KLF4: variants seen among roughly 807,000 people sequenced by gnomAD.
The protein encoded by KLF4 is Krueppel-like factor 4.
In KLF4, 14 loss-of-function variants were observed where a neutral mutation model predicts 38.0. The observed-to-expected ratio is 0.37, with a 90% CI of 0.24 to 0.58. The LOEUF is 0.58. KLF4 is among the 20% of genes least tolerant of loss of function. The pLI, the probability that KLF4 is intolerant of heterozygous loss-of-function variation, is 0.76. For missense variants in KLF4, 737 were observed against 670.1 expected, an observed-to-expected ratio of 1.10 and a Z score of -1.10; for synonymous variants, 398 against 302.5, an observed-to-expected ratio of 1.32 and a Z score of -3.28.
At chr9:107,486,007 G>A (rs1829053932) in intron 4 of KLF4, 81 bp from the exon 5 acceptor site, 2 of 1,268,774 alleles carry the variant, frequency 1.6e-6, no homozygotes, top group African/African-American at 1.5e-5. Flanking sequence ...AGGCCAGATA[G>A]TAAACCAACT....
In KLF4 at chr9:107,489,022, C is replaced by G; in HGVS notation, c.34G>C (p.Val12Leu). Reference protein sequence around the residue: ...RQPPGESDMAVSDALLPSFST... With the variant: ...RQPPGESDMALSDALLPSFST... ...AAAGATGGGAGCAGCGCGTCGCTGA[C>G]AGCCATGTCAGACTCGCCAGGTGGC... Residue 12 changes from valine (V) to leucine (L), a missense_variant, in exon 2 of 5, where the codon GTC becomes CTC. By Grantham distance (32) the Val-to-Leu change is conservative (BLOSUM62 1). Coordinates refer to ENST00000374672, the MANE Select transcript of KLF4 (RefSeq NM_004235.6). 6.4e-7 allele frequency: 1 copy of G among 1,560,862 alleles called. No homozygotes were observed. Among genetic ancestry groups the G allele is most frequent in the Non-Finnish European group, 8.7e-7 (1 of 1,151,916 alleles).
chr9:107,489,245 G>A lies in KLF4; in HGVS notation c.-73C>T, dbSNP rs1279354374. The A allele has an allele frequency of 2.1e-6, 3 of 1,428,396 alleles. No homozygotes were observed. Among genetic ancestry groups the A allele is most frequent in the Non-Finnish European group, 9.2e-7 (1 of 1,088,186 alleles). The allele number at this position is 1,428,396 out of a possible 1,614,324, so 88.5% of individuals were successfully genotyped here. A position where few individuals can be genotyped will look rare whatever the true frequency, so the allele number is the denominator to read the frequency against. On this transcript the variant is annotated 5_prime_UTR_variant, in exon 1 of 5. Transcript: ENST00000374672. ...ACCTGAACCCCAAAGTCAACGAAGA[G>A]AAGAAACGAAGCCAAAACCCAAAAC...
intron 4 of KLF4, among the ~76,000 whole-genome samples, chr9:107,486,208 C>T (rs1470686551): frequency 6.6e-6 from 1 of 152,154 alleles, no homozygotes; most frequent in African/African-American, 2.4e-5. Context: ...ACCACCTAAA[C>T]CTATACTAAT....
In KLF4 at chr9:107,489,208, A is replaced by G; in HGVS notation, c.-36T>C. 36 of 1,468,566 alleles carry G rather than the reference A, an allele frequency of 2.5e-5. No homozygotes were observed. Among genetic ancestry groups the G allele is most frequent in the Non-Finnish European group, 3.2e-5 (35 of 1,107,350 alleles). 91.0% of individuals were successfully genotyped at this position (1,468,566 alleles called of 1,614,324 possible). On this transcript the variant is annotated 5_prime_UTR_variant, in exon 1 of 5. Coordinates refer to ENST00000374672, the MANE Select transcript of KLF4 (RefSeq NM_004235.6). ...GCCCAGAAGGTCCTCGGCAGCCCGA[A>G]GCAGCTGGGGCACCTGAACCCCAAA...
chr9:107,487,618 T>C lies in KLF4; in HGVS notation c.776A>G (p.His259Arg). Reference sequence around the variant, plus strand: ...GTTGTAGGGCGCCACCACCACCGGGTGGCTGCCGTCAGGGCTGCCTTTGCT... The same window carrying C: ...GTTGTAGGGCGCCACCACCACCGGGCGGCTGCCGTCAGGGCTGCCTTTGCT... ...SVSKGSPDGS[H>R]PVVVAPYNGG... is the part of the protein sequence containing the mutation. Residue 259 changes from histidine (H) to arginine (R), a missense_variant, in exon 3 of 5, where the codon CAC (histidine) becomes CGC (arginine). His to Arg is a conservative substitution (Grantham distance 29, BLOSUM62 0). Coordinates refer to ENST00000374672, the MANE Select transcript of KLF4 (RefSeq NM_004235.6). This position sits in a 1 kb window ranked among gnomAD's most constrained non-coding sequence, Gnocchi z 6.1. The C allele has an allele frequency of 6.2e-7, 1 of 1,602,000 alleles. No individual in the cohort carries two copies. The highest frequency in any genetic ancestry group is 8.5e-7 in the Non-Finnish European group (1 of 1,178,152).
Position 107,487,179 on chromosome 9 carries a change from G to A in KLF4, c.1113C>T (p.Pro371=), listed in dbSNP as rs150848807. ...TGGGCTCCTCTGGCATGCAGGAACCGGGTGGCATGAGCTCTAGGGGTGAAG... is the reference window on the plus strand; with the variant it reads ...TGGGCTCCTCTGGCATGCAGGAACCAGGTGGCATGAGCTCTAGGGGTGAAG... ...PPLHYQELMP[P]GSCMPEEPKP... is the part of the protein sequence containing the mutation. Residue 371 remains proline, a synonymous_variant, in exon 4 of 5, where the codon CCC becomes CCT. Coordinates refer to ENST00000374672, the MANE Select transcript of KLF4 (RefSeq NM_004235.6). This position sits in a 1 kb window ranked among gnomAD's most constrained non-coding sequence, Gnocchi z 6.1. 2.7e-4 allele frequency: 432 copies of A among 1,614,156 alleles called. No individual in the cohort carries two copies. The African/African-American group carries it at 5.3e-3, about 20-fold the overall frequency.
Position 107,489,568 on chromosome 9 carries a change from T to A in KLF4, c.-396A>T, listed in dbSNP as rs1179027777. 3 of 185,490 alleles carry A rather than the reference T, an allele frequency of 1.6e-5. No individual in the cohort carries two copies. Among genetic ancestry groups the A allele is most frequent in the African/African-American group, 7.3e-5 (3 of 40,972 alleles). 11.5% of individuals were successfully genotyped at this position (185,490 alleles called of 1,614,324 possible). On this transcript the variant is annotated 5_prime_UTR_variant, in exon 1 of 5. Coordinates refer to ENST00000374672, the MANE Select transcript of KLF4 (RefSeq NM_004235.6). ...GCCGTGGCGCGGAGCTGCGAACTGGTCGGCGGCGCAAGGCGCGGACTCCGG... is the reference window on the plus strand; with the variant it reads ...GCCGTGGCGCGGAGCTGCGAACTGGACGGCGGCGCAAGGCGCGGACTCCGG...
At position 107,488,311 on chromosome 9, in the gene KLF4, G is replaced by A. The variant is rs1482431289; in HGVS notation, c.127-44C>T. ...AGAGACCTGTCAGTGGTGGTCCCCT[G>A]TTGCCACCCGACATACTGACGTGCT... On this transcript the variant is annotated intron_variant, in intron 2 of 4. Coordinates refer to ENST00000374672, the MANE Select transcript of KLF4 (RefSeq NM_004235.6). The surrounding 1 kb of genome is among the most constrained non-coding windows in gnomAD (Gnocchi z 5.7). 2 of 1,512,454 alleles carry A rather than the reference G, an allele frequency of 1.3e-6. No individual in the cohort carries two copies. The highest frequency in any genetic ancestry group is 1.4e-5 in the African/African-American group (1 of 72,466). 93.7% of individuals were successfully genotyped at this position (1,512,454 alleles called of 1,614,324 possible). A position where few individuals can be genotyped will look rare whatever the true frequency, so the allele number is the denominator to read the frequency against.
In KLF4 at chr9:107,489,403, A is replaced by G. The variant is rs45568237; in HGVS notation, c.-231T>C. 1.6e-3 allele frequency: 785 copies of G among 496,712 alleles called. 10 individuals are homozygous for G. The highest frequency in any genetic ancestry group is 0.014 in the African/African-American group (695 of 50,034). The allele number at this position is 496,712 out of a possible 1,614,324, so 30.8% of individuals were successfully genotyped here. A position where few individuals can be genotyped will look rare whatever the true frequency, so the allele number is the denominator to read the frequency against. The stretch of plus-strand genomic sequence containing the variant: ...AAATAGACAATCAGCAAGGCGAGTA[A>G]GTAGGTCCGGTGGCCGGGCTGCGCT... On this transcript the variant is annotated 5_prime_UTR_variant, in exon 1 of 5. Coordinates refer to ENST00000374672, the MANE Select transcript of KLF4 (RefSeq NM_004235.6).
rs953290774 is a variant in KLF4, at chr9:107,487,896, G to A, written c.498C>T (p.Gly166=). The change falls in exon 3 of 5, where the codon GGC becomes GGT. Residue 166 remains glycine, a synonymous_variant. Transcript: ENST00000374672. This position sits in a 1 kb window ranked among gnomAD's most constrained non-coding sequence, Gnocchi z 6.1. ...AGNDPGVAPG[G]TGGGLLYGRE... is the part of the protein sequence containing the mutation. The stretch of plus-strand genomic sequence containing the variant: ...TGCCATAGAGGAGGCCTCCGCCCGT[G>A]CCGCCCGGCGCCACGCCCGGGTCGT... 3.8e-6 allele frequency: 6 copies of A among 1,558,960 alleles called. No individual in the cohort carries two copies. The highest frequency in any genetic ancestry group is 1.9e-5 in the Admixed American group (1 of 51,910).
At position 107,485,710 on chromosome 9, in the gene KLF4, A is replaced by C; in HGVS notation, c.*41T>G. On this transcript the variant is annotated 3_prime_UTR_variant, in exon 5 of 5. Transcript: ENST00000374672. This position sits in a 1 kb window ranked among gnomAD's most constrained non-coding sequence, Gnocchi z 4.9. ...CAGTGTGAAAAGTAAAAAATACTGA[A>C]TTCTCTTCTGGCAGTGTGGGTCATA... 6.7e-7 allele frequency: 1 copy of C among 1,501,104 alleles called. No homozygotes were observed. The highest frequency in any genetic ancestry group is 8.9e-7 in the Non-Finnish European group (1 of 1,127,382). 93.0% of individuals were successfully genotyped at this position (1,501,104 alleles called of 1,614,324 possible). A position where few individuals can be genotyped will look rare whatever the true frequency, so the allele number is the denominator to read the frequency against.
Position 107,487,210 on chromosome 9 carries a change from G to A in KLF4, c.1100-18C>T. 6.2e-7 allele frequency: 1 copy of A among 1,613,062 alleles called. No homozygotes were observed. Among genetic ancestry groups the A allele is most frequent in the Non-Finnish European group, 8.5e-7 (1 of 1,179,394 alleles). On this transcript the variant is annotated intron_variant, in intron 3 of 4. Coordinates refer to ENST00000374672, the MANE Select transcript of KLF4 (RefSeq NM_004235.6). This position sits in a 1 kb window ranked among gnomAD's most constrained non-coding sequence, Gnocchi z 6.1. ...CATGAGCTCTAGGGGTGAAGAAGGT[G>A]GGGTGAGCATCATCCCGTGTGTCCC... is the stretch of plus-strand genomic sequence containing the variant.
chr9:107,484,978 T>C lies in KLF4; in HGVS notation c.*773A>G, dbSNP rs187064191. Reference sequence around the variant, plus strand: ...TATACAAAATAGACGTTTGCTTAAATTTATATTACATATTTATTAAGGCAA... The same window carrying C: ...TATACAAAATAGACGTTTGCTTAAACTTATATTACATATTTATTAAGGCAA... On this transcript the variant is annotated 3_prime_UTR_variant, in exon 5 of 5. Coordinates refer to ENST00000374672, the MANE Select transcript of KLF4 (RefSeq NM_004235.6). The C allele has an allele frequency of 1.0e-5, 2 of 199,750 alleles. No homozygotes were observed. Among genetic ancestry groups the C allele is most frequent in the African/African-American group, 4.6e-5 (2 of 43,624 alleles). 12.4% of individuals were successfully genotyped at this position (199,750 alleles called of 1,614,324 possible).
chr9:107,485,835 C>A lies in KLF4; in HGVS notation c.1356G>T (p.Gly452=). 1 of 1,612,200 alleles carries A rather than the reference C, an allele frequency of 6.2e-7. No homozygotes were observed. Among genetic ancestry groups the A allele is most frequent in the Non-Finnish European group, 8.5e-7 (1 of 1,179,414 alleles). Residue 452 remains glycine (G), a synonymous_variant, in exon 5 of 5, where the codon GGG becomes GGT. Transcript: ENST00000374672. The surrounding 1 kb of genome is among the most constrained non-coding windows in gnomAD (Gnocchi z 4.9). ...ELTRHYRKHT[G]HRPFQCQKCD... ...ATTTTTGGCACTGGAACGGGCGGTG[C>A]CCCGTGTGTTTACGGTAGTGCCTGG...
Position 107,487,916 on chromosome 9 carries a change from G to A in KLF4, c.478C>T (p.Pro160Ser), listed in dbSNP as rs1202616226. Residue 160 changes from proline to serine, a missense_variant, in exon 3 of 5, where the codon CCG (proline) becomes TCG (serine). Physicochemically the swap from Pro to Ser is moderately conservative, Grantham distance 74. Transcript: ENST00000374672. The surrounding 1 kb of genome is among the most constrained non-coding windows in gnomAD (Gnocchi z 6.1). Reference sequence around the variant, plus strand: ...CCCGTGCCGCCCGGCGCCACGCCCGGGTCGTTCCCGGCCCGGATCGGATAG... The same window carrying A: ...CCCGTGCCGCCCGGCGCCACGCCCGAGTCGTTCCCGGCCCGGATCGGATAG... ...FTYPIRAGND[P>S]GVAPGGTGGG... The A allele has an allele frequency of 6.4e-7, 1 of 1,573,208 alleles. No individual in the cohort carries two copies. The highest frequency in any genetic ancestry group is 1.9e-5 in the Admixed American group (1 of 53,614).
rs1829045646 is a variant in KLF4 at position 107,485,620 on chromosome 9, C to T, written c.*131G>A. The T allele has an allele frequency of 1.2e-6, 1 of 865,790 alleles. No individual in the cohort carries two copies. The highest frequency in any genetic ancestry group is 1.7e-6 in the Non-Finnish European group (1 of 586,864). The allele number at this position is 865,790 out of a possible 1,614,324, so 53.6% of individuals were successfully genotyped here. A position where few individuals can be genotyped will look rare whatever the true frequency, so the allele number is the denominator to read the frequency against. ...TCCTGATTATCCACTCACAAGATGACTCAGTTGGGAACTTGACCATGATTG... is the reference window on the plus strand; with the variant it reads ...TCCTGATTATCCACTCACAAGATGATTCAGTTGGGAACTTGACCATGATTG... On this transcript the variant is annotated 3_prime_UTR_variant, in exon 5 of 5. Transcript: ENST00000374672. This position sits in a 1 kb window ranked among gnomAD's most constrained non-coding sequence, Gnocchi z 4.9.
At position 107,489,418 on chromosome 9, in the gene KLF4, C is replaced by A; in HGVS notation, c.-246G>T. ...AAGGCGAGTAAGTAGGTCCGGTGGC[C>A]GGGCTGCGCTCTCTTCCACTCAGCA... On this transcript the variant is annotated 5_prime_UTR_variant, in exon 1 of 5. Transcript: ENST00000374672. 1 of 448,870 alleles carries A rather than the reference C, an allele frequency of 2.2e-6. No individual in the cohort carries two copies. The highest frequency in any genetic ancestry group is 3.8e-6 in the Non-Finnish European group (1 of 260,100). 27.8% of individuals were successfully genotyped at this position (448,870 alleles called of 1,614,324 possible).
At position 107,487,316 on chromosome 9, in the gene KLF4, C is replaced by A. The variant is rs779194795; in HGVS notation, c.1078G>T (p.Val360Phe). 1 of 1,570,656 alleles carries A rather than the reference C, an allele frequency of 6.4e-7. No individual in the cohort carries two copies. Among genetic ancestry groups the A allele is most frequent in the Non-Finnish European group, 8.6e-7 (1 of 1,158,120 alleles). Residue 360 changes from valine to phenylalanine, a missense_variant, in exon 3 of 5, where the codon GTC becomes TTC. Val to Phe is a conservative substitution (Grantham distance 50). Around this residue, in one of 2 missense-constraint regions of KLF4, gnomAD observed 695 missense variants for 554.5 expected, o/e 1.25. Coordinates refer to ENST00000374672, the MANE Select transcript of KLF4 (RefSeq NM_004235.6). The surrounding 1 kb of genome is among the most constrained non-coding windows in gnomAD (Gnocchi z 6.1). The stretch of plus-strand genomic sequence containing the variant: ...TGACCTTGGTAATGGAGCGGCGGGA[C>A]TTGCGGCTGCATCTGATCGGGCAGG... The part of the protein sequence containing the change: ...SFLPDQMQPQ[V>F]PPLHYQELMP...
intron 4 of KLF4, 137 bp from the exon 5 acceptor site, chr9:107,486,063 AG>A (rs1483186131): frequency 1.4e-6 from 1 of 708,276 alleles, no homozygotes; most frequent in Non-Finnish European, 2.3e-6. Flanking sequence ...ATACCACTGA[AG>A]GGGTGTATTG....
Sources: gnomAD v4.1 joint callset for allele counts (sites outside exome capture counted in the v4.1 genomes callset) on GRCh38, gnomAD v4.1.1 for gene constraint, gnomAD v4.1.1 regional missense constraint, Gnocchi (gnomAD v3.1) non-coding constraint, MANE v1.5 for transcripts, NCBI Gene and HGNC (gene_info 2026-07-23, HGNC 2026-07-21) for gene names.